The following KRT14 variants were observed in gnomAD, a reference collection of about 807,000 sequenced individuals.
The protein encoded by KRT14 is keratin, type I cytoskeletal 14.
KRT14 carries 30 observed loss-of-function variants against 44.5 expected under a neutral mutation model. The ratio of observed to expected loss-of-function variants is 0.67; its 90% CI spans 0.50 to 0.92. The LOEUF (loss-of-function observed/expected upper bound fraction) is 0.92, where lower values mean the gene tolerates loss of function less well. Ranked by LOEUF, KRT14 falls within the 40% of genes least tolerant of loss-of-function variation. KRT14 has a pLI of 0.00. For missense variants in KRT14, 535 were observed against 640.6 expected, an observed-to-expected ratio of 0.84 and a Z score of 1.78; for synonymous variants, 241 against 257.6, an observed-to-expected ratio of 0.94 and a Z score of 0.62.
intron 7 of KRT14, 35 bp from the exon 8 acceptor site, chr17:41,582,567 G>T (rs1314970624): frequency 1.1e-5 from 16 of 1,513,270 alleles, no homozygotes; most frequent in Non-Finnish European, 1.4e-5. Flanking sequence ...GTTACCAGAG[G>T]TGGACAGACA....
Sources: allele counts gnomAD v4.1 joint callset, GRCh38; gene constraint gnomAD v4.1.1; transcripts MANE v1.5; gene names NCBI Gene and HGNC (gene_info 2026-07-23, HGNC 2026-07-21).